VPS51: variants seen among roughly 807,000 people sequenced by gnomAD.
VPS51 encodes the protein vacuolar protein sorting-associated protein 51 homolog.
Under a neutral mutation model 65.1 loss-of-function variants are expected in VPS51, and 55 were observed. That is an observed-to-expected ratio of 0.84 (90% CI 0.68 to 1.06). The LOEUF is 1.06. VPS51 is among the 50% of genes least tolerant of loss of function. The pLI is 0.00. For synonymous variants in VPS51, 473 were observed against 489.5 expected (o/e 0.97, Z 0.44); for missense variants, 943 against 1,101.6 (o/e 0.86, Z 2.04).
chr11:65,103,909 T>C (rs902581292), intron 2 of VPS51, among the ~76,000 whole-genome samples: 1 of 152,022 alleles, frequency 6.6e-6, no homozygotes, highest in Admixed American at 6.6e-5. Context: ...TTTGTTTTTT[T>C]TTTTTAGGGC....
rs1364182948 is a variant in VPS51, at chr11:65,107,638, T to G, written c.416T>G (p.Leu139Arg). The G allele has an allele frequency of 6.2e-7, 1 of 1,605,298 alleles. No homozygotes were observed. The highest frequency in any genetic ancestry group is 8.5e-7 in the Non-Finnish European group (1 of 1,172,904). Residue 139 changes from leucine to arginine, a missense_variant, in exon 3 of 10, where the codon CTG becomes CGG. Transcript: ENST00000279281. The surrounding 1 kb of genome is among the most constrained non-coding windows in gnomAD (Gnocchi z 4.0). Reference sequence around the variant, plus strand: ...AAGATGGAGGATGAGATGGACCGGCTGGCCACCAACATGGCAGTGATCACC... The same window carrying G: ...AAGATGGAGGATGAGATGGACCGGCGGGCCACCAACATGGCAGTGATCACC... ...FRKMEDEMDR[L>R]ATNMAVITDF...
chr11:65,109,547 A>G lies in VPS51; in HGVS notation c.1659+52A>G, dbSNP rs79069813. The stretch of plus-strand genomic sequence containing the variant: ...GGGAATGGTGTTGCTGGGAATGCAG[A>G]TGGCTGGACAGTGCCCTCATGGCCA... On this transcript the variant is annotated intron_variant, in intron 6 of 9. Transcript: ENST00000279281. 65,319 of 1,589,388 alleles carry G rather than the reference A, an allele frequency of 0.041. 1,718 individuals are homozygous for G. The highest frequency in any genetic ancestry group is 0.092 in the African/African-American group (6,922 of 74,858).
At chr11:65,104,839 C>T (rs1433843665) in intron 2 of VPS51, among the ~76,000 whole-genome samples, 2 of 152,196 alleles carry the variant, frequency 1.3e-5, no homozygotes, top group South Asian at 2.1e-4. Flanking sequence ...TTCAAGCCGC[C>T]GCAACACCCC....
At chr11:65,105,122 G>A (rs931455683) in intron 2 of VPS51, among the ~76,000 whole-genome samples, 6 of 151,986 alleles carry the variant, frequency 3.9e-5, no homozygotes, top group African/African-American at 1.4e-4. Context: ...TTTTTCGACT[G>A]GGCACGGTGG....
At chr11:65,110,881 C>A in intron 9 of VPS51, 100 bp downstream of exon 9, 1 of 1,424,644 alleles carries the variant, frequency 7.0e-7, no homozygotes, top group Non-Finnish European at 9.9e-7. Flanking sequence ...CTGTGACCAA[C>A]TGGGGGTGAC....
At chr11:65,102,547 T>C (rs948544383) in intron 2 of VPS51, among the ~76,000 whole-genome samples, 1 of 152,232 alleles carries the variant, frequency 6.6e-6, no homozygotes, top group African/African-American at 2.4e-5. Context: ...TCAAGCTTCC[T>C]TCTTGAGGTA....
intron 2 of VPS51, among the ~76,000 whole-genome samples, chr11:65,105,924 G>A (rs985726763): frequency 6.6e-6 from 1 of 152,238 alleles, no homozygotes; most frequent in South Asian, 2.1e-4. Context: ...AGGAGAAGGA[G>A]CATGGAGTTT....
At chr11:65,110,881 C>G (rs1947892692) in intron 9 of VPS51, 100 bp downstream of exon 9, 20 of 1,424,530 alleles carry the variant, frequency 1.4e-5, no homozygotes, top group South Asian at 4.6e-5. Context: ...CTGTGACCAA[C>G]TGGGGGTGAC....
intron 2 of VPS51, 82 bp downstream of exon 2, chr11:65,097,209 A>G: frequency 6.3e-7 from 1 of 1,575,918 alleles, no homozygotes; most frequent in Non-Finnish European, 8.6e-7. Context: ...CAAGGGATTT[A>G]GAGGGGGGAG....
chr11:65,111,818 C>A lies in VPS51; in HGVS notation c.*231C>A. On this transcript the variant is annotated 3_prime_UTR_variant, in exon 10 of 10. Transcript: ENST00000279281. Reference sequence around the variant, plus strand: ...CGCCGATTGGCTGGTGTGCTGGGCCCAGCATGGGCAGGGGGCGGTTCCACT... The same window carrying A: ...CGCCGATTGGCTGGTGTGCTGGGCCAAGCATGGGCAGGGGGCGGTTCCACT... 1 of 925,070 alleles carries A rather than the reference C, an allele frequency of 1.1e-6. No individual in the cohort carries two copies. Among genetic ancestry groups the A allele is most frequent in the Non-Finnish European group, 1.6e-6 (1 of 627,442 alleles). 57.3% of individuals were successfully genotyped at this position (925,070 alleles called of 1,614,324 possible). A position where few individuals can be genotyped will look rare whatever the true frequency, so the allele number is the denominator to read the frequency against.
At chr11:65,111,176 T>G in intron 9 of VPS51, 151 bp from the exon 10 acceptor site, 1 of 1,178,752 alleles carries the variant, frequency 8.5e-7, no homozygotes, top group Non-Finnish European at 1.2e-6. Flanking sequence ...GGCGCTAATA[T>G]TGTATCCCTC....
chr11:65,108,460 G>GC lies in VPS51; in HGVS notation c.992dup (p.Ala332SerfsTer33). The GC allele has an allele frequency of 6.2e-7, 1 of 1,610,402 alleles. No homozygotes were observed. On this transcript the variant is annotated frameshift_variant, in exon 5 of 10. Transcript: ENST00000279281. LOFTEE classifies it high-confidence loss of function. ...TACCAGGAGCTGTTTGCGGCCCAGG[G>GC]CCCAGCAGGTGCCGAGAAGCTGGCG...
chr11:65,096,934 T>G, intron 1 of VPS51, 64 bp from the exon 2 acceptor site: 2 of 1,599,648 alleles, frequency 1.3e-6, no homozygotes, highest in Non-Finnish European at 1.7e-6. Context: ...GCCTATCAGC[T>G]GCAGGCAAGG....
In VPS51 at chr11:65,111,503, A is replaced by G; in HGVS notation, c.2265A>G (p.Glu755=). Residue 755 remains glutamate, a synonymous_variant, in exon 10 of 10, where the codon GAA becomes GAG. Coordinates refer to ENST00000279281, the MANE Select transcript of VPS51 (RefSeq NM_013265.4). ...AACTCGTGCACTTGCTGCTGGACGA[A>G]GTGGTGGCCTCTGCTGCCCTGCGCT... The part of the protein sequence containing the change: ...DEELVHLLLD[E]VVASAALRCP... 1 of 1,613,770 alleles carries G rather than the reference A, an allele frequency of 6.2e-7. No individual in the cohort carries two copies. The highest frequency in any genetic ancestry group is 8.5e-7 in the Non-Finnish European group (1 of 1,180,042).
intron 2 of VPS51, among the ~76,000 whole-genome samples, chr11:65,101,989 C>G (rs771879008): frequency 1.3e-5 from 2 of 150,462 alleles, no homozygotes; most frequent in African/African-American, 4.9e-5. Flanking sequence ...TTCACTCTCC[C>G]TGGTTACAAA....
chr11:65,111,816 C>A lies in VPS51; in HGVS notation c.*229C>A, dbSNP rs1947906973. On this transcript the variant is annotated 3_prime_UTR_variant, in exon 10 of 10. Transcript: ENST00000279281. Reference sequence around the variant, plus strand: ...AGCGCCGATTGGCTGGTGTGCTGGGCCCAGCATGGGCAGGGGGCGGTTCCA... The same window carrying A: ...AGCGCCGATTGGCTGGTGTGCTGGGACCAGCATGGGCAGGGGGCGGTTCCA... The A allele has an allele frequency of 3.2e-6, 3 of 933,260 alleles. No homozygotes were observed. Among genetic ancestry groups the A allele is most frequent in the Non-Finnish European group, 4.7e-6 (3 of 635,512 alleles). 57.8% of individuals were successfully genotyped at this position (933,260 alleles called of 1,614,324 possible). A position where few individuals can be genotyped will look rare whatever the true frequency, so the allele number is the denominator to read the frequency against.
chr11:65,109,037 C>A, intron 5 of VPS51, 123 bp downstream of exon 5: 1 of 1,251,916 alleles, frequency 8.0e-7, no homozygotes, highest in Non-Finnish European at 1.2e-6. Context: ...TTCTTATGCA[C>A]GGTCTGGGGG....
At position 65,108,302 on chromosome 11, in the gene VPS51, C is replaced by T. The variant is rs1400045199; in HGVS notation, c.831C>T (p.Arg277=). ...ELCEEFLAHA[R]GRLEKELRNL... Reference sequence around the variant, plus strand: ...GCGAGGAGTTCCTGGCGCACGCCCGCGGCCGGCTGGAGAAGGAGCTGAGAA... The same window carrying T: ...GCGAGGAGTTCCTGGCGCACGCCCGTGGCCGGCTGGAGAAGGAGCTGAGAA... The change falls in exon 5 of 10, where the codon CGC becomes CGT. Residue 277 remains arginine (R), a synonymous_variant. Transcript: ENST00000279281. The T allele has an allele frequency of 2.5e-6, 4 of 1,606,118 alleles. No homozygotes were observed. Among genetic ancestry groups the T allele is most frequent in the Non-Finnish European group, 1.7e-6 (2 of 1,177,236 alleles).
rs1201993741 is a variant in VPS51, at chr11:65,108,840, A to G, written c.1369A>G (p.Ile457Val). Residue 457 changes from isoleucine (I) to valine (V), a missense_variant, in exon 5 of 10, where the codon ATT (isoleucine) becomes GTT (valine). Physicochemically the swap from Ile to Val is conservative, Grantham distance 29. Around this residue, in one of 2 missense-constraint regions of VPS51, gnomAD observed 855 missense variants for 953.7 expected, o/e 0.90. Transcript: ENST00000279281. ...ANVASSILSH[I>V]KASLAAVHLF... ...TGTGGCCAGCTCCATCCTGAGCCAC[A>G]TTAAGGCCTCTCTGGCAGCAGTGCA... 1.2e-6 allele frequency: 2 copies of G among 1,612,866 alleles called. No individual in the cohort carries two copies. The highest frequency in any genetic ancestry group is 2.7e-5 in the African/African-American group (2 of 74,946).
Sources: allele counts gnomAD v4.1 joint callset (sites outside exome capture counted in the v4.1 genomes callset), GRCh38; gene constraint gnomAD v4.1.1; regional missense constraint gnomAD v4.1.1; non-coding constraint Gnocchi (gnomAD v3.1); transcripts MANE v1.5; gene names NCBI Gene and HGNC (gene_info 2026-07-23, HGNC 2026-07-21).